INTU: variants seen among roughly 807,000 people sequenced by gnomAD.
INTU encodes the protein inturned planar cell polarity protein.
INTU carries 68 observed loss-of-function variants against 100.5 expected under a neutral mutation model. The ratio of observed to expected loss-of-function variants is 0.68; its 90% confidence interval spans 0.56 to 0.83. The LOEUF is 0.83. Ranked by LOEUF, INTU falls within the 40% of genes least tolerant of loss-of-function variation. The probability of loss-of-function intolerance (pLI) is 0.00; values close to 1 mark genes in which losing one functional copy is unlikely to be tolerated. For missense variants in INTU, 1,071 were observed against 1,114.7 expected, an observed-to-expected ratio of 0.96 and a Z score of 0.56; for synonymous variants, 357 against 395.7, an observed-to-expected ratio of 0.90 and a Z score of 1.16.
chr4:127,659,683 A>G (rs1425658135), intron 3 of INTU, among the ~76,000 whole-genome samples: 1 of 152,154 alleles, frequency 6.6e-6, no homozygotes, highest in Non-Finnish European at 1.5e-5. Flanking sequence ...CTTGGGTCCA[A>G]ATTTTGCAGA....
intron 8 of INTU, among the ~76,000 whole-genome samples, chr4:127,688,575 T>C (rs557599924): frequency 5.9e-5 from 9 of 152,222 alleles, no homozygotes; most frequent in Non-Finnish European, 1.2e-4. Context: ...AGTAGAAACC[T>C]AATTCAAGTT....
chr4:127,664,964 CTCTT>C, intron 4 of INTU, among the ~76,000 whole-genome samples: 1 of 151,616 alleles, frequency 6.6e-6, no homozygotes, highest in Non-Finnish European at 1.5e-5. Flanking sequence ...TTGCTATATA[CTCTT>C]TCTTTTTTTT....
rs1485690491 is a variant in INTU at position 127,633,124 on chromosome 4, T to C, written c.90T>C (p.Asp30=). The C allele has an allele frequency of 1.2e-6, 2 of 1,614,076 alleles. No homozygotes were observed. Among genetic ancestry groups the C allele is most frequent in the Non-Finnish European group, 1.7e-6 (2 of 1,179,938 alleles). The change falls in exon 1 of 16, where the codon GAT becomes GAC. Residue 30 remains aspartate (D), a synonymous_variant. Transcript: ENST00000335251. ...PSSQEEDEDY[D]FEDRVSDSGS... ...CACAAGAAGAAGATGAGGACTATGA[T>C]TTTGAAGATCGGGTCAGCGACTCGG...
At chr4:127,657,238 A>T (rs1290459062) in intron 3 of INTU, among the ~76,000 whole-genome samples, 1 of 152,198 alleles carries the variant, frequency 6.6e-6, no homozygotes, top group Non-Finnish European at 1.5e-5. Context: ...TGTAGATAGA[A>T]ATAAATTTAT....
At chr4:127,642,284 G>A (rs952304285) in intron 1 of INTU, among the ~76,000 whole-genome samples, 2 of 152,150 alleles carry the variant, frequency 1.3e-5, no homozygotes, top group Non-Finnish European at 2.9e-5. Context: ...CCACACACTG[G>A]GAACCAACAA....
chr4:127,640,182 G>A (rs1727247311), intron 1 of INTU, among the ~76,000 whole-genome samples: 1 of 152,046 alleles, frequency 6.6e-6, no homozygotes. Flanking sequence ...CAACATTATT[G>A]TATTTTCTAT....
chr4:127,672,007 G>A (rs113763710), intron 5 of INTU, among the ~76,000 whole-genome samples: 2,773 of 152,080 alleles, frequency 0.018, 44 homozygotes, highest in Non-Finnish European at 0.028. Context: ...TTGAAGGGCG[G>A]GAGGGGAGTC....
rs1482141134 is a variant in INTU, at chr4:127,665,938, G to A, written c.972+2354G>A. 1.1e-4 allele frequency among the ~76,000 whole-genome samples: 17 copies of A among 152,112 alleles called. 1 individual carries two copies. The highest frequency in any genetic ancestry group is 1.1e-3 in the Admixed American group (17 of 15,264). On this transcript the variant is annotated intron_variant, in intron 4 of 15. Coordinates refer to ENST00000335251, the MANE Select transcript of INTU (RefSeq NM_015693.4). ...ACGTGGGATTGCTTGTGCCACCTAA[G>A]TAGATAGTTATTTTCTCTAATCTAT...
At chr4:127,655,869 A>G (rs1001662759) in intron 2 of INTU, among the ~76,000 whole-genome samples, 4 of 152,164 alleles carry the variant, frequency 2.6e-5, no homozygotes, top group Non-Finnish European at 5.9e-5. Context: ...GCTAGCAATC[A>G]GCGAGACTCC....
At chr4:127,656,389 A>T (rs889000206) in intron 2 of INTU, among the ~76,000 whole-genome samples, 3 of 152,196 alleles carry the variant, frequency 2.0e-5, no homozygotes, top group African/African-American at 4.8e-5. Context: ...GTTATTTTTT[A>T]AAATATTCAT....
At chr4:127,664,833 A>G (rs1012181746) in intron 4 of INTU, among the ~76,000 whole-genome samples, 1 of 152,014 alleles carries the variant, frequency 6.6e-6, no homozygotes, top group Non-Finnish European at 1.5e-5. Flanking sequence ...CAGTGAGTCC[A>G]TTTATAGAGA....
intron 2 of INTU, among the ~76,000 whole-genome samples, chr4:127,652,368 A>T (rs1448717243): frequency 1.3e-5 from 2 of 150,672 alleles, no homozygotes; most frequent in African/African-American, 5.0e-5. Flanking sequence ...TGTCATAGAT[A>T]GCTCTTATTA....
chr4:127,690,654 C>A (rs900855015), intron 8 of INTU, among the ~76,000 whole-genome samples: 2 of 152,132 alleles, frequency 1.3e-5, no homozygotes, highest in Non-Finnish European at 2.9e-5. Flanking sequence ...AAAATTTGAA[C>A]AACAATAACA....
chr4:127,657,415 G>C (rs528851719), intron 3 of INTU, among the ~76,000 whole-genome samples: 1 of 151,992 alleles, frequency 6.6e-6, no homozygotes, highest in Non-Finnish European at 1.5e-5. Flanking sequence ...TTTTTGGGGG[G>C]ATAGGGAAGA....
At chr4:127,678,829 C>A (rs905125430) in intron 6 of INTU, among the ~76,000 whole-genome samples, 13 of 151,984 alleles carry the variant, frequency 8.6e-5, no homozygotes, top group East Asian at 5.8e-4. Context: ...GAGTCAAGAC[C>A]CATCAGTGTG....
chr4:127,657,517 A>G (rs1728289171), intron 3 of INTU, among the ~76,000 whole-genome samples: 1 of 152,066 alleles, frequency 6.6e-6, no homozygotes, highest in Non-Finnish European at 1.5e-5. Flanking sequence ...TGGACTCCAC[A>G]GCAGGAAGTG....
chr4:127,668,834 C>T (rs1728803701), intron 4 of INTU, among the ~76,000 whole-genome samples: 1 of 151,816 alleles, frequency 6.6e-6, no homozygotes, highest in South Asian at 2.1e-4. Flanking sequence ...CAGTCTCTAA[C>T]TTATTTTCAA....
At chr4:127,660,300 A>C (rs1728420069) in intron 3 of INTU, among the ~76,000 whole-genome samples, 1 of 152,222 alleles carries the variant, frequency 6.6e-6, no homozygotes, top group Non-Finnish European at 1.5e-5. Context: ...GAGGTGGCCC[A>C]AGAAGAGAAG....
At chr4:127,714,243 C>T (rs1731188105) in intron 15 of INTU, 150 bp downstream of exon 15, 1 of 499,962 alleles carries the variant, frequency 2.0e-6, no homozygotes, top group East Asian at 3.2e-5. Flanking sequence ...TAAGTATCTC[C>T]TTTAAATCCC....
Sources: gnomAD v4.1 joint callset for allele counts (sites outside exome capture counted in the v4.1 genomes callset) on GRCh38, gnomAD v4.1.1 for gene constraint, MANE v1.5 for transcripts, NCBI Gene and HGNC (gene_info 2026-07-23, HGNC 2026-07-21) for gene names.